Variants in AUTS2 observed in about 807,000 individuals in gnomAD.
AUTS2 encodes autism susceptibility gene 2 protein.
In AUTS2, 17 loss-of-function variants were observed where a neutral mutation model predicts 112.4. The observed-to-expected ratio is 0.15, with a 90% CI of 0.10 to 0.23. AUTS2 has a LOEUF of 0.23. Ranked by LOEUF, AUTS2 falls within the 10% of genes least tolerant of loss-of-function variation. AUTS2 has a pLI of 1.00. For synonymous variants in AUTS2, 751 were observed against 702.7 expected, an observed-to-expected ratio of 1.07 and a Z score of -1.09; for missense variants, 1,510 against 1,701.6, an observed-to-expected ratio of 0.89 and a Z score of 1.98.
At chr7:70,731,564 G>A (rs1392348188) in intron 6 of AUTS2, among the ~76,000 whole-genome samples, 1 of 151,086 alleles carries the variant, frequency 6.6e-6, no homozygotes, top group African/African-American at 2.4e-5. Flanking sequence ...TGAGTAGCTG[G>A]TACTACAGGT....
chr7:70,593,959 A>G (rs1161611766), intron 5 of AUTS2, among the ~76,000 whole-genome samples: 2 of 152,242 alleles, frequency 1.3e-5, no homozygotes, highest in Non-Finnish European at 1.5e-5. Flanking sequence ...CATAGAACAT[A>G]GAACATTATT....
intron 1 of AUTS2, among the ~76,000 whole-genome samples, chr7:69,795,361 C>G (rs1462671540): frequency 1.3e-5 from 2 of 152,070 alleles, no homozygotes; most frequent in African/African-American, 4.8e-5. Context: ...AGGTTTTGGT[C>G]TTGGTAAGAG....
intron 2 of AUTS2, among the ~76,000 whole-genome samples, chr7:70,003,199 AT>A (rs1563029219): frequency 1.6e-4 from 21 of 135,432 alleles, no homozygotes; most frequent in African/African-American, 5.8e-4. Context: ...ATATGAATAT[AT>A]TATATATGAA....
rs368038770 is a variant in AUTS2, at chr7:70,486,213, G to A, written c.690+50432G>A. ...AAGGTGCCACCCCAGTCCTCCAAGGGCACAGGGCACAGGGGTTAGCATGTA... is the reference window on the plus strand; with the variant it reads ...AAGGTGCCACCCCAGTCCTCCAAGGACACAGGGCACAGGGGTTAGCATGTA... On this transcript the variant is annotated intron_variant, in intron 5 of 18. Coordinates refer to ENST00000342771, the MANE Select transcript of AUTS2 (RefSeq NM_015570.4). 5.9e-5 allele frequency among the ~76,000 whole-genome samples: 9 copies of A among 152,232 alleles called. No individual in the cohort carries two copies. In the East Asian group the frequency reaches 9.7e-4, roughly 16 times the overall value.
intron 4 of AUTS2, among the ~76,000 whole-genome samples, chr7:70,170,255 G>T (rs1241489033): frequency 6.7e-6 from 1 of 150,172 alleles, no homozygotes; most frequent in Non-Finnish European, 1.5e-5. Context: ...TACCTCCTGG[G>T]CTCAAGCGAT....
At chr7:70,439,196 C>T (rs932813124) in intron 5 of AUTS2, among the ~76,000 whole-genome samples, 5 of 152,178 alleles carry the variant, frequency 3.3e-5, no homozygotes, top group African/African-American at 9.7e-5. Context: ...CTCCCAGCCA[C>T]GTGAATACAT....
chr7:70,469,434 G>A (rs1359358967), intron 5 of AUTS2, among the ~76,000 whole-genome samples: 1 of 152,132 alleles, frequency 6.6e-6, no homozygotes, highest in Non-Finnish European at 1.5e-5. Context: ...AACAGCAAGA[G>A]CAAAGGCCCT....
intron 2 of AUTS2, among the ~76,000 whole-genome samples, chr7:70,006,557 C>T (rs1414226928): frequency 6.6e-6 from 1 of 152,176 alleles, no homozygotes; most frequent in Non-Finnish European, 1.5e-5. Flanking sequence ...CCAGAACCAA[C>T]ATCTTGCTAC....
At chr7:70,210,819 T>A (rs1810842055) in intron 4 of AUTS2, among the ~76,000 whole-genome samples, 1 of 152,214 alleles carries the variant, frequency 6.6e-6, no homozygotes, top group Non-Finnish European at 1.5e-5. Flanking sequence ...CGTGTTCTTA[T>A]AAGCTCATCC....
intron 5 of AUTS2, among the ~76,000 whole-genome samples, chr7:70,541,947 C>A (rs1157865036): frequency 6.6e-6 from 1 of 152,214 alleles, no homozygotes; most frequent in Non-Finnish European, 1.5e-5. Context: ...TCCTGATCCT[C>A]ATCAGTGGCT....
intron 10 of AUTS2, among the ~76,000 whole-genome samples, chr7:70,770,528 C>G (rs1386601791): frequency 1.3e-5 from 2 of 152,166 alleles, no homozygotes; most frequent in African/African-American, 4.8e-5. Flanking sequence ...ACCAATAGGA[C>G]CTCAAAAAGA....
At chr7:69,772,124 G>A (rs2129299750) in intron 1 of AUTS2, among the ~76,000 whole-genome samples, 1 of 152,174 alleles carries the variant, frequency 6.6e-6, no homozygotes, top group South Asian at 2.1e-4. Flanking sequence ...ACAGAAATGG[G>A]GATCCTTATG....
chr7:70,223,991 CCTGT>C (rs1340493211), intron 4 of AUTS2, among the ~76,000 whole-genome samples: 1 of 151,950 alleles, frequency 6.6e-6, no homozygotes, highest in African/African-American at 2.4e-5. Context: ...CACCACTGCA[CCTGT>C]CTGTGTCATA....
intron 1 of AUTS2, among the ~76,000 whole-genome samples, chr7:69,663,674 GT>G (rs1353511565): frequency 5.3e-5 from 8 of 152,120 alleles, no homozygotes; most frequent in African/African-American, 1.9e-4. Context: ...TCATGGCAAG[GT>G]TTAGATGGAT....
At chr7:69,888,099 C>T (rs1794355599) in intron 1 of AUTS2, among the ~76,000 whole-genome samples, 1 of 151,886 alleles carries the variant, frequency 6.6e-6, no homozygotes, top group South Asian at 2.1e-4. Context: ...TCGCTTGAGG[C>T]CAGAGTTAGA....
intron 2 of AUTS2, among the ~76,000 whole-genome samples, chr7:70,105,633 CCACTGAGAATATACATTAG>C (rs1185011891): frequency 5.9e-5 from 9 of 152,136 alleles, no homozygotes; most frequent in Admixed American, 5.2e-4. Context: ...ACTTTGGATG[CCACTGAGAATATACATTAG>C]CACTGTAGCT....
chr7:70,604,096 A>T (rs185405565), intron 5 of AUTS2, among the ~76,000 whole-genome samples: 3 of 152,318 alleles, frequency 2.0e-5, no homozygotes, highest in African/African-American at 7.2e-5. Context: ...CCACTCAATA[A>T]ATATCGACTG....
intron 4 of AUTS2, among the ~76,000 whole-genome samples, chr7:70,283,964 A>G (rs1788341599): frequency 1.3e-5 from 2 of 152,168 alleles, no homozygotes; most frequent in African/African-American, 4.8e-5. Flanking sequence ...ACAATCCCGT[A>G]GTTTATCTAA....
In AUTS2 at chr7:69,975,931, G is replaced by A. The variant is rs143971318; in HGVS notation, c.522+76433G>A. Among the ~76,000 whole-genome samples the A allele has an allele frequency of 5.5e-3, 835 of 151,960 alleles. 6 individuals carry two copies. Among genetic ancestry groups the A allele is most frequent in the Non-Finnish European group, 5.5e-3 (373 of 67,930 alleles). On this transcript the variant is annotated intron_variant, in intron 2 of 18. Coordinates refer to ENST00000342771, the MANE Select transcript of AUTS2 (RefSeq NM_015570.4). Reference sequence around the variant, plus strand: ...TTGAACTCCTGACCTCAGGTGATCCGCCCACCAAAGTGCTCTGATTACAGG... The same window carrying A: ...TTGAACTCCTGACCTCAGGTGATCCACCCACCAAAGTGCTCTGATTACAGG...
Sources: gnomAD v4.1 joint callset for allele counts (sites outside exome capture counted in the v4.1 genomes callset) on GRCh38, gnomAD v4.1.1 for gene constraint, MANE v1.5 for transcripts, NCBI Gene and HGNC (gene_info 2026-07-23, HGNC 2026-07-21) for gene names.